LAG3: variants seen among roughly 807,000 people sequenced by gnomAD.
LAG3 encodes the protein lymphocyte activation gene 3 protein.
In LAG3, 29 loss-of-function variants were observed where a neutral mutation model predicts 49.0. The observed-to-expected ratio is 0.59, with a 90% CI of 0.44 to 0.81. The LOEUF (loss-of-function observed/expected upper bound fraction) is 0.81. Ranked by LOEUF, LAG3 falls within the 30% of genes least tolerant of loss-of-function variation. The pLI is 0.00. For missense variants in LAG3, 693 were observed against 695.2 expected, an observed-to-expected ratio of 1.00 and a Z score of 0.04; for synonymous variants, 320 against 297.3, an observed-to-expected ratio of 1.08 and a Z score of -0.79.
At chr12:6,778,152 A>G in intron 7 of LAG3, 92 bp from the exon 8 acceptor site, 1 of 1,390,368 alleles carries the variant, frequency 7.2e-7, no homozygotes, top group East Asian at 2.5e-5. Flanking sequence ...GCGCTGAGAA[A>G]AAATAGAGGG....
In LAG3 at chr12:6,772,820, G is replaced by A. The variant is rs762579010; in HGVS notation, c.-33G>A. On this transcript the variant is annotated 5_prime_UTR_variant, in exon 1 of 8. Coordinates refer to ENST00000203629, the MANE Select transcript of LAG3 (RefSeq NM_002286.6). Reference sequence around the variant, plus strand: ...CCCTTTCCTTTTCTGACCTCCTTTTGGAGGGCTCAGCGCTGCCCAGACCAT... The same window carrying A: ...CCCTTTCCTTTTCTGACCTCCTTTTAGAGGGCTCAGCGCTGCCCAGACCAT... The A allele has an allele frequency of 2.7e-6, 4 of 1,474,648 alleles. No individual in the cohort carries two copies. The Admixed American group carries it at 8.1e-5, about 30-fold the overall frequency. The allele number at this position is 1,474,648 out of a possible 1,614,324, so 91.3% of individuals were successfully genotyped here.
chr12:6,774,203 T>C (rs1194310684), intron 3 of LAG3, among the ~76,000 whole-genome samples: 2 of 151,832 alleles, frequency 1.3e-5, no homozygotes, highest in Non-Finnish European at 2.9e-5. Context: ...GTGGAGAGAT[T>C]GTGTCACCCC....
In LAG3 at chr12:6,773,166, C is replaced by G. The variant is rs375548283; in HGVS notation, c.59-26C>G. ...CTGCCTCTCGGCTCACGCCCCCTCC[C>G]CTTGGCCTCTCTTTTGCTCACCTAG... On this transcript the variant is annotated intron_variant, in intron 1 of 7. Transcript: ENST00000203629. The surrounding 1 kb of genome is among the most constrained non-coding windows in gnomAD (Gnocchi z 5.5). The G allele has an allele frequency of 3.1e-6, 5 of 1,598,648 alleles. No homozygotes were observed. The African/African-American group carries it at 6.8e-5, about 22-fold the overall frequency.
intron 4 of LAG3, 74 bp from the exon 5 acceptor site, chr12:6,775,199 C>T: frequency 6.8e-7 from 1 of 1,476,352 alleles, no homozygotes; most frequent in Non-Finnish European, 9.3e-7. Context: ...CTTCTGCCTC[C>T]CTTCCTTGCA....
In LAG3 at chr12:6,773,901, C is replaced by T; in HGVS notation, c.411C>T (p.Arg137=). The change falls in exon 3 of 8, where the codon CGC becomes CGT. Residue 137 remains arginine (R), a synonymous_variant. Transcript: ENST00000203629. The surrounding 1 kb of genome is among the most constrained non-coding windows in gnomAD (Gnocchi z 5.5). ...GCGGGGACTTCTCGCTATGGCTGCG[C>T]CCAGCCCGGCGCGCGGACGCCGGCG... ...RQRGDFSLWL[R]PARRADAGEY... The T allele has an allele frequency of 1.4e-6, 2 of 1,384,750 alleles. No homozygotes were observed. The highest frequency in any genetic ancestry group is 1.9e-6 in the Non-Finnish European group (2 of 1,077,620). The allele number at this position is 1,384,750 out of a possible 1,614,324, so 85.8% of individuals were successfully genotyped here. A position where few individuals can be genotyped will look rare whatever the true frequency, so the allele number is the denominator to read the frequency against.
Position 6,772,580 on chromosome 12 carries a change from A to C in LAG3, c.-273A>C. The C allele has an allele frequency of 2.4e-6, 1 of 411,380 alleles. No homozygotes were observed. Among genetic ancestry groups the C allele is most frequent in the Non-Finnish European group, 4.4e-6 (1 of 229,476 alleles). 25.5% of individuals were successfully genotyped at this position (411,380 alleles called of 1,614,324 possible). ...CACTTTGCTCTGTCTGCTCTCCGCC[A>C]CGGCCCTGCTCTGTTCCCTGGGACA... On this transcript the variant is annotated 5_prime_UTR_variant, in exon 1 of 8. Transcript: ENST00000203629.
Position 6,773,037 on chromosome 12 carries a change from T to A in LAG3, c.58+127T>A. The A allele has an allele frequency of 7.3e-7, 1 of 1,367,402 alleles. No individual in the cohort carries two copies. The highest frequency in any genetic ancestry group is 1.0e-6 in the Non-Finnish European group (1 of 978,524). 84.7% of individuals were successfully genotyped at this position (1,367,402 alleles called of 1,614,324 possible). On this transcript the variant is annotated intron_variant, in intron 1 of 7. Transcript: ENST00000203629. The surrounding 1 kb of genome is among the most constrained non-coding windows in gnomAD (Gnocchi z 5.5). Reference sequence around the variant, plus strand: ...TTCTTCTAATCCCTTTTTTGGGCAGTCCTTCCACCCCGAAAGCCTCTCTGG... The same window carrying A: ...TTCTTCTAATCCCTTTTTTGGGCAGACCTTCCACCCCGAAAGCCTCTCTGG...
In LAG3 at chr12:6,773,384, T is replaced by G; in HGVS notation, c.206+45T>G. ...GCAACAGGACCTCCGAATCCAGCACTCAACCCCACACCCGTGCCGGTCCTC... is the reference window on the plus strand; with the variant it reads ...GCAACAGGACCTCCGAATCCAGCACGCAACCCCACACCCGTGCCGGTCCTC... On this transcript the variant is annotated intron_variant, in intron 2 of 7. Transcript: ENST00000203629. The surrounding 1 kb of genome is among the most constrained non-coding windows in gnomAD (Gnocchi z 5.5). 1 of 1,607,016 alleles carries G rather than the reference T, an allele frequency of 6.2e-7. No homozygotes were observed. Among genetic ancestry groups the G allele is most frequent in the Admixed American group, 1.7e-5 (1 of 59,442 alleles).
At position 6,773,889 on chromosome 12, in the gene LAG3, G is replaced by A; in HGVS notation, c.399G>A (p.Ser133=). 7.2e-7 allele frequency: 1 copy of A among 1,394,958 alleles called. No homozygotes were observed. Among genetic ancestry groups the A allele is most frequent in the South Asian group, 1.6e-5 (1 of 63,972 alleles). The allele number at this position is 1,394,958 out of a possible 1,614,324, so 86.4% of individuals were successfully genotyped here. A position where few individuals can be genotyped will look rare whatever the true frequency, so the allele number is the denominator to read the frequency against. ...GCGGCCGGCAGCGCGGGGACTTCTC[G>A]CTATGGCTGCGCCCAGCCCGGCGCG... ...DERGRQRGDF[S]LWLRPARRAD... is the part of the protein sequence containing the mutation. The change falls in exon 3 of 8, where the codon TCG becomes TCA. Residue 133 remains serine (S), a synonymous_variant. Transcript: ENST00000203629. This position sits in a 1 kb window ranked among gnomAD's most constrained non-coding sequence, Gnocchi z 5.5.
intron 3 of LAG3, among the ~76,000 whole-genome samples, chr12:6,774,357 T>C (rs897181914): frequency 6.6e-6 from 1 of 151,934 alleles, no homozygotes; most frequent in Non-Finnish European, 1.5e-5. Flanking sequence ...ACGGCAAGGG[T>C]GGCTGATGCC....
intron 4 of LAG3, 60 bp downstream of exon 4, chr12:6,774,924 T>C (rs1478188822): frequency 2.0e-6 from 3 of 1,522,062 alleles, no homozygotes; most frequent in Admixed American, 1.8e-5. Context: ...CCTTGTCACC[T>C]CCCCTAACTA....
At chr12:6,775,160 C>T (rs1941892319) in intron 4 of LAG3, 113 bp from the exon 5 acceptor site, 1 of 1,209,142 alleles carries the variant, frequency 8.3e-7, no homozygotes, top group Non-Finnish European at 1.2e-6. Context: ...CTCCTTAGCA[C>T]TCTTATGAGC....
At chr12:6,774,261 AG>A (rs550592631) in intron 3 of LAG3, among the ~76,000 whole-genome samples, 52 of 151,152 alleles carry the variant, frequency 3.4e-4, no homozygotes, top group African/African-American at 6.1e-4. Flanking sequence ...AGGGAGGGGG[AG>A]GGGGGGAGAG....
chr12:6,777,917 G>A lies in LAG3; in HGVS notation c.1427G>A (p.Arg476Lys). The change falls in exon 7 of 8, where the codon AGA (arginine) becomes AAA (lysine). Residue 476 changes from arginine (R) to lysine (K), a missense_variant. Arg to Lys is a conservative substitution (Grantham distance 26). Coordinates refer to ENST00000203629, the MANE Select transcript of LAG3 (RefSeq NM_002286.6). Reference protein sequence around the residue: ...TGAFGFHLWRRQWRPRRFSAL... With the variant: ...TGAFGFHLWRKQWRPRRFSAL... ...GCCTTTGGCTTTCACCTTTGGAGAA[G>A]ACAGGTGAGCCAGGGACATGGCAAC... 1 of 1,613,512 alleles carries A rather than the reference G, an allele frequency of 6.2e-7. No homozygotes were observed. The highest frequency in any genetic ancestry group is 8.5e-7 in the Non-Finnish European group (1 of 1,179,902).
In LAG3 at chr12:6,778,366, C is replaced by T. The variant is rs775432587; in HGVS notation, c.1554C>T (p.Pro518=). The T allele has an allele frequency of 3.1e-6, 5 of 1,611,644 alleles. No homozygotes were observed. In the South Asian group the frequency reaches 4.4e-5, roughly 14 times the overall value. ...CGGAGCCGGAACCGGAGCCCGAGCC[C>T]GAGCCCGAGCCGGAGCAGCTCTGAC... The part of the protein sequence containing the change: ...PEPEPEPEPE[P]EPEPEQL The change falls in exon 8 of 8, where the codon CCC becomes CCT. Residue 518 remains proline, a synonymous_variant. Coordinates refer to ENST00000203629, the MANE Select transcript of LAG3 (RefSeq NM_002286.6).
rs781745126 is a variant in LAG3, at chr12:6,772,551, C to T, written c.-302C>T. ...CAGCAGAACGGCATCCCAGCCACGA[C>T]GGCCACTTTGCTCTGTCTGCTCTCC... On this transcript the variant is annotated 5_prime_UTR_variant, in exon 1 of 8. The change creates a new upstream start codon in the 5' untranslated region. Transcript: ENST00000203629. 5 of 337,626 alleles carry T rather than the reference C, an allele frequency of 1.5e-5. No homozygotes were observed. Among genetic ancestry groups the T allele is most frequent in the Non-Finnish European group, 2.7e-5 (5 of 184,944 alleles). 20.9% of individuals were successfully genotyped at this position (337,626 alleles called of 1,614,324 possible). A position where few individuals can be genotyped will look rare whatever the true frequency, so the allele number is the denominator to read the frequency against.
At chr12:6,778,135 G>A in intron 7 of LAG3, 109 bp from the exon 8 acceptor site, 1 of 1,319,252 alleles carries the variant, frequency 7.6e-7, no homozygotes, top group Non-Finnish European at 1.1e-6. Context: ...AGATGGGGAG[G>A]GCAGGGGCGC....
chr12:6,774,760 T>C lies in LAG3; in HGVS notation c.677T>C (p.Leu226Pro). 1 of 1,614,184 alleles carries C rather than the reference T, an allele frequency of 6.2e-7. No homozygotes were observed. The highest frequency in any genetic ancestry group is 8.5e-7 in the Non-Finnish European group (1 of 1,180,026). Residue 226 changes from leucine to proline, a missense_variant, in exon 4 of 8, where the codon CTC (leucine) becomes CCC (proline). Physicochemically the swap from Leu to Pro is moderately conservative, Grantham distance 98. Coordinates refer to ENST00000203629, the MANE Select transcript of LAG3 (RefSeq NM_002286.6). ...SPHHHLAESFLFLPQVSPMDS... is the reference protein window; with the variant it reads ...SPHHHLAESFPFLPQVSPMDS... ...CATCACCACTTAGCGGAAAGCTTCC[T>C]CTTCCTGCCCCAAGTCAGCCCCATG...
chr12:6,775,202 T>C, intron 4 of LAG3, 71 bp from the exon 5 acceptor site: 2 of 1,499,596 alleles, frequency 1.3e-6, no homozygotes, highest in Non-Finnish European at 1.8e-6. Flanking sequence ...CTGCCTCCCT[T>C]CCTTGCAGCC....
Sources: gnomAD v4.1 joint callset for allele counts (sites outside exome capture counted in the v4.1 genomes callset) on GRCh38, gnomAD v4.1.1 for gene constraint, Gnocchi (gnomAD v3.1) non-coding constraint, MANE v1.5 for transcripts, NCBI Gene and HGNC (gene_info 2026-07-23, HGNC 2026-07-21) for gene names.